AAK1: variants seen among roughly 807,000 people sequenced by gnomAD.
AAK1 encodes the protein AP2-associated protein kinase 1.
Under a neutral mutation model 116.0 loss-of-function variants are expected in AAK1, and 37 were observed. That is an observed-to-expected ratio of 0.32 (90% CI 0.25 to 0.42). The LOEUF (loss-of-function observed/expected upper bound fraction) is 0.42, where lower values mean the gene tolerates loss of function less well. Among genes scored for constraint, AAK1 ranks in the 10% least tolerant of loss-of-function variants. AAK1 has a pLI of 1.00. For synonymous variants in AAK1, 458 were observed against 439.9 expected (o/e 1.04, Z -0.51); for missense variants, 919 against 1,170.6 (o/e 0.79, Z 3.14).
chr2:69,627,820 AAC>A (rs1444999771), intron 2 of AAK1, among the ~76,000 whole-genome samples: 1 of 152,222 alleles, frequency 6.6e-6, no homozygotes, highest in Non-Finnish European at 1.5e-5. Context: ...AGTCCTATGC[AAC>A]AGCATCCTGA....
At chr2:69,511,730 G>T (rs185401365) in intron 13 of AAK1, among the ~76,000 whole-genome samples, 1 of 152,344 alleles carries the variant, frequency 6.6e-6, no homozygotes, top group African/African-American at 2.4e-5. Flanking sequence ...TACATCCGAA[G>T]TTGTTTTGTC....
In AAK1 at chr2:69,468,028, C is replaced by A; in HGVS notation, c.*7841G>T. The stretch of plus-strand genomic sequence containing the variant: ...ATTTTCCTTTCTAACAGTTTGAATG[C>A]GTTCAGTGAATTCCAGATTGGGGCG... On this transcript the variant is annotated 3_prime_UTR_variant, in exon 22 of 22. Coordinates refer to ENST00000409085, the MANE Select transcript of AAK1 (RefSeq NM_014911.5). 1 of 985,348 alleles carries A rather than the reference C, an allele frequency of 1.0e-6. No individual in the cohort carries two copies. Among genetic ancestry groups the A allele is most frequent in the Non-Finnish European group, 1.2e-6 (1 of 829,902 alleles). The allele number at this position is 985,348 out of a possible 1,614,324, so 61.0% of individuals were successfully genotyped here. A position where few individuals can be genotyped will look rare whatever the true frequency, so the allele number is the denominator to read the frequency against.
chr2:69,585,673 T>A (rs987307743), intron 2 of AAK1, among the ~76,000 whole-genome samples: 4 of 152,132 alleles, frequency 2.6e-5, no homozygotes, highest in African/African-American at 9.7e-5. Context: ...AAACCAAATT[T>A]AAGAATCACT....
chr2:69,584,438 A>G (rs535703171), intron 2 of AAK1, among the ~76,000 whole-genome samples: 39 of 152,300 alleles, frequency 2.6e-4, no homozygotes, highest in African/African-American at 9.1e-4. Context: ...GTAAGAGTAT[A>G]AGAAAGTCAG....
chr2:69,608,889 A>C (rs1438865443), intron 2 of AAK1, among the ~76,000 whole-genome samples: 1 of 152,250 alleles, frequency 6.6e-6, no homozygotes, highest in African/African-American at 2.4e-5. Flanking sequence ...AAAACAATAA[A>C]ATAATCAAGA....
chr2:69,592,041 A>T (rs1301136766), intron 2 of AAK1, among the ~76,000 whole-genome samples: 1 of 152,130 alleles, frequency 6.6e-6, no homozygotes, highest in African/African-American at 2.4e-5. Flanking sequence ...AATAAGAGCA[A>T]ATGAGGAAGT....
chr2:69,606,872 C>G (rs2105207457), intron 2 of AAK1, among the ~76,000 whole-genome samples: 1 of 152,160 alleles, frequency 6.6e-6, no homozygotes, highest in East Asian at 1.9e-4. Flanking sequence ...TCAAGACCAG[C>G]CTGGGCAACC....
At chr2:69,479,134 G>T in intron 19 of AAK1, 73 bp from the exon 20 acceptor site, 1 of 1,055,708 alleles carries the variant, frequency 9.5e-7, no homozygotes, top group African/African-American at 1.6e-5. Flanking sequence ...CATGAGATTA[G>T]ATCTTAGCTT....
intron 2 of AAK1, among the ~76,000 whole-genome samples, chr2:69,633,177 C>T (rs186552290): frequency 0.027 from 4,072 of 149,890 alleles, 184 homozygotes; most frequent in African/African-American, 0.095. Flanking sequence ...CGAGATCGCG[C>T]CACTGCACTC....
At chr2:69,527,971 A>G (rs1208619811) in intron 8 of AAK1, among the ~76,000 whole-genome samples, 1 of 152,220 alleles carries the variant, frequency 6.6e-6, no homozygotes, top group Non-Finnish European at 1.5e-5. Flanking sequence ...TGACTGCTTA[A>G]ATAATAAAGT....
chr2:69,586,301 G>A (rs1301633387), intron 2 of AAK1, among the ~76,000 whole-genome samples: 1 of 152,160 alleles, frequency 6.6e-6, no homozygotes, highest in African/African-American at 2.4e-5. Context: ...AAGGCAAAGT[G>A]GGTGGTTGAA....
At chr2:69,476,355 C>T (rs1440490286) in intron 21 of AAK1, among the ~76,000 whole-genome samples, 2 of 152,024 alleles carry the variant, frequency 1.3e-5, no homozygotes, top group African/African-American at 4.8e-5. Flanking sequence ...TGGGGAGAAA[C>T]TAGTTATTAA....
intron 2 of AAK1, among the ~76,000 whole-genome samples, chr2:69,639,904 G>C (rs1675627782): frequency 6.6e-6 from 1 of 151,926 alleles, no homozygotes; most frequent in African/African-American, 2.4e-5. Flanking sequence ...TTAAGGAGCT[G>C]GTGAGGACTC....
At chr2:69,485,036 A>G (rs940514325) in intron 17 of AAK1, among the ~76,000 whole-genome samples, 1 of 152,166 alleles carries the variant, frequency 6.6e-6, no homozygotes, top group Non-Finnish European at 1.5e-5. Flanking sequence ...GATGTTAAAA[A>G]TATCTCTAAT....
At position 69,465,758 on chromosome 2, in the gene AAK1, G is replaced by A; in HGVS notation, c.*10111C>T. 1 of 1,290,932 alleles carries A rather than the reference G, an allele frequency of 7.7e-7. No homozygotes were observed. Among genetic ancestry groups the A allele is most frequent in the Non-Finnish European group, 1.0e-6 (1 of 988,878 alleles). 80.0% of individuals were successfully genotyped at this position (1,290,932 alleles called of 1,614,324 possible). A position where few individuals can be genotyped will look rare whatever the true frequency, so the allele number is the denominator to read the frequency against. On this transcript the variant is annotated 3_prime_UTR_variant, in exon 22 of 22. Transcript: ENST00000409085. Reference sequence around the variant, plus strand: ...ATTCCAGGCAGGATCCCCTGGGAGAGATGCTGTCCAGATGGTCTGCTGCTT... The same window carrying A: ...ATTCCAGGCAGGATCCCCTGGGAGAAATGCTGTCCAGATGGTCTGCTGCTT...
intron 10 of AAK1, among the ~76,000 whole-genome samples, chr2:69,524,490 G>A (rs967449301): frequency 4.8e-4 from 73 of 151,922 alleles, no homozygotes; most frequent in African/African-American, 1.7e-3. Flanking sequence ...GCTAGAGTGC[G>A]GTGGCGTGAT....
In AAK1 at chr2:69,466,159, T is replaced by A. The variant is rs747610650; in HGVS notation, c.*9710A>T. On this transcript the variant is annotated 3_prime_UTR_variant, in exon 22 of 22. Transcript: ENST00000409085. Reference sequence around the variant, plus strand: ...CTGAGCCCATCAGTGGCTGGCTGTGTGAAGGCTTGAAACTGGTTCTTTCTT... The same window carrying A: ...CTGAGCCCATCAGTGGCTGGCTGTGAGAAGGCTTGAAACTGGTTCTTTCTT... The A allele has an allele frequency of 7.8e-7, 1 of 1,290,214 alleles. No individual in the cohort carries two copies. The highest frequency in any genetic ancestry group is 1.2e-5 in the South Asian group (1 of 81,028). 79.9% of individuals were successfully genotyped at this position (1,290,214 alleles called of 1,614,324 possible). A position where few individuals can be genotyped will look rare whatever the true frequency, so the allele number is the denominator to read the frequency against.
rs576734877 is a variant in AAK1, at chr2:69,554,424, T to G, written c.282+2436A>C. 3.3e-5 allele frequency among the ~76,000 whole-genome samples: 5 copies of G among 152,298 alleles called. No individual in the cohort carries two copies. The Middle Eastern group carries it at 0.017, about 522-fold the overall frequency. On this transcript the variant is annotated intron_variant, in intron 3 of 21. Coordinates refer to ENST00000409085, the MANE Select transcript of AAK1 (RefSeq NM_014911.5). ...ATTAATAATTTTAGTGAAAGCAAAG[T>G]TACATAGGAAAGGCATAGGAATCAT...
intron 2 of AAK1, among the ~76,000 whole-genome samples, chr2:69,572,851 A>G (rs971167296): frequency 6.6e-6 from 1 of 151,946 alleles, no homozygotes; most frequent in African/African-American, 2.4e-5. Flanking sequence ...GTAAACAGAA[A>G]CCTAGTGACT....
Sources: gnomAD v4.1 joint callset for allele counts (sites outside exome capture counted in the v4.1 genomes callset) on GRCh38, gnomAD v4.1.1 for gene constraint, MANE v1.5 for transcripts, NCBI Gene and HGNC (gene_info 2026-07-23, HGNC 2026-07-21) for gene names.